PLPP1: variants seen among roughly 807,000 people sequenced by gnomAD.
PLPP1 encodes phospholipid phosphatase 1, also known as lipid phosphate phosphohydrolase 1a.
Under a neutral mutation model 31.2 loss-of-function variants are expected in PLPP1, and 24 were observed. That is an observed-to-expected ratio of 0.77 (90% confidence interval 0.56 to 1.08). The LOEUF (loss-of-function observed/expected upper bound fraction) is 1.08. PLPP1 is among the 50% of genes least tolerant of loss of function. The pLI is 0.00. For missense variants in PLPP1, 319 were observed against 342.7 expected, an observed-to-expected ratio of 0.93 and a Z score of 0.55; for synonymous variants, 146 against 126.3, an observed-to-expected ratio of 1.16 and a Z score of -1.05.
At chr5:55,443,345 C>A (rs562886472) in intron 3 of PLPP1, among the ~76,000 whole-genome samples, 2 of 151,110 alleles carry the variant, frequency 1.3e-5, no homozygotes, top group Middle Eastern at 3.4e-3. Flanking sequence ...TAATTAAACC[C>A]AATAATTATT....
chr5:55,462,915 G>A (rs1752197641), intron 3 of PLPP1, among the ~76,000 whole-genome samples: 1 of 151,946 alleles, frequency 6.6e-6, no homozygotes, highest in Admixed American at 6.6e-5. Flanking sequence ...GAAGCTTGCA[G>A]AGAGCCAAGA....
At chr5:55,460,046 C>A (rs952905978) in intron 3 of PLPP1, among the ~76,000 whole-genome samples, 1 of 152,144 alleles carries the variant, frequency 6.6e-6, no homozygotes, top group African/African-American at 2.4e-5. Flanking sequence ...CATTAATGGA[C>A]TGTTTACGTT....
intron 1 of PLPP1, among the ~76,000 whole-genome samples, chr5:55,506,334 C>T (rs780564384): frequency 6.7e-6 from 1 of 148,204 alleles, no homozygotes. Flanking sequence ...CACTAAGTAA[C>T]TCACCCAAGT....
chr5:55,451,999 A>G (rs1210663155), intron 3 of PLPP1, among the ~76,000 whole-genome samples: 6 of 152,192 alleles, frequency 3.9e-5, no homozygotes, highest in Non-Finnish European at 8.8e-5. Flanking sequence ...AATTTTTACA[A>G]GTATAGGAAA....
intron 1 of PLPP1, among the ~76,000 whole-genome samples, chr5:55,523,330 TCTAC>T (rs763661684): frequency 1.3e-5 from 2 of 152,158 alleles, no homozygotes; most frequent in Non-Finnish European, 2.9e-5. Flanking sequence ...TCTTATTCAT[TCTAC>T]CTATTTTTTG....
intron 1 of PLPP1, among the ~76,000 whole-genome samples, chr5:55,525,166 G>A (rs13188802): frequency 0.66 from 99,794 of 152,126 alleles, 34,064 homozygotes; most frequent in Non-Finnish European, 0.77. Flanking sequence ...AAAACTAGTT[G>A]ATGTTATTTC....
At chr5:55,453,713 G>A (rs1278460912) in intron 3 of PLPP1, among the ~76,000 whole-genome samples, 2 of 152,302 alleles carry the variant, frequency 1.3e-5, no homozygotes, top group East Asian at 1.9e-4. Context: ...GGCCAAGGCT[G>A]GAGGATCACC....
At chr5:55,447,414 T>C (rs968004228) in intron 3 of PLPP1, among the ~76,000 whole-genome samples, 1 of 152,212 alleles carries the variant, frequency 6.6e-6, no homozygotes, top group African/African-American at 2.4e-5. Context: ...ATCCTGAAAT[T>C]GATTCCCAAA....
intron 1 of PLPP1, among the ~76,000 whole-genome samples, chr5:55,496,137 C>G (rs1376010660): frequency 6.6e-6 from 1 of 152,166 alleles, no homozygotes; most frequent in Admixed American, 6.5e-5. Flanking sequence ...GGATTACAGA[C>G]ATGAGCCACC....
chr5:55,513,239 T>G (rs1223203993), intron 1 of PLPP1, among the ~76,000 whole-genome samples: 1 of 151,936 alleles, frequency 6.6e-6, no homozygotes, highest in African/African-American at 2.4e-5. Flanking sequence ...AAGTATGTGT[T>G]TACTATAGTA....
At chr5:55,436,763 T>C (rs1016720710) in intron 4 of PLPP1, among the ~76,000 whole-genome samples, 3 of 152,168 alleles carry the variant, frequency 2.0e-5, no homozygotes, top group East Asian at 3.8e-4. Flanking sequence ...TAAAAGAAAC[T>C]AGAAAATTCA....
At chr5:55,458,881 T>C (rs1752081480) in intron 3 of PLPP1, among the ~76,000 whole-genome samples, 2 of 66,588 alleles carry the variant, frequency 3.0e-5, no homozygotes, top group South Asian at 4.9e-4. Flanking sequence ...GAGGAGACCC[T>C]GTCTCCAAAA....
intron 3 of PLPP1, 135 bp from the exon 4 acceptor site, chr5:55,442,043 C>A: frequency 1.3e-6 from 1 of 781,314 alleles, no homozygotes; most frequent in South Asian, 1.6e-5. Flanking sequence ...AAGGGTACGG[C>A]AGGGGGACAA....
chr5:55,458,916 A>AAAAAC (rs1752087974), intron 3 of PLPP1, among the ~76,000 whole-genome samples: 2 of 146,328 alleles, frequency 1.4e-5, no homozygotes, highest in Non-Finnish European at 3.0e-5. Flanking sequence ...AAAAAAAAAA[A>AAAAAC]CACATAGCAA....
At position 55,532,454 on chromosome 5, in the gene PLPP1, A is replaced by G. The variant is rs548502765; in HGVS notation, c.58+2118T>C. On this transcript the variant is annotated intron_variant, in intron 1 of 5. Transcript: ENST00000307259. ...GCAATGATAGGATAATATTCAATAT[A>G]TTAGAAATATATTTTTTTCTGATCG... 2.6e-5 allele frequency among the ~76,000 whole-genome samples: 4 copies of G among 152,340 alleles called. No homozygotes were observed. In the South Asian group the frequency reaches 6.2e-4, roughly 24 times the overall value.
At chr5:55,497,994 A>G (rs142187392) in intron 1 of PLPP1, among the ~76,000 whole-genome samples, 65 of 150,240 alleles carry the variant, frequency 4.3e-4, no homozygotes, top group African/African-American at 1.4e-3. Context: ...CAATGACAGA[A>G]AGCAGGTCCA....
chr5:55,450,662 G>C (rs994068124), intron 3 of PLPP1, among the ~76,000 whole-genome samples: 2 of 152,146 alleles, frequency 1.3e-5, no homozygotes, highest in Non-Finnish European at 2.9e-5. Context: ...AAGTTTCCTT[G>C]GTTATTAAGG....
chr5:55,532,345 T>A (rs547367114), intron 1 of PLPP1, among the ~76,000 whole-genome samples: 101 of 152,236 alleles, frequency 6.6e-4, no homozygotes, highest in African/African-American at 2.2e-3. Flanking sequence ...TAGAAAAAAA[T>A]TTATGTTGTT....
intron 1 of PLPP1, among the ~76,000 whole-genome samples, chr5:55,490,391 C>T (rs540910088): frequency 6.6e-6 from 1 of 152,152 alleles, no homozygotes; most frequent in Non-Finnish European, 1.5e-5. Flanking sequence ...CTCAGGTGAT[C>T]AGCCCATCTC....
Sources: allele counts gnomAD v4.1 joint callset (sites outside exome capture counted in the v4.1 genomes callset), GRCh38; gene constraint gnomAD v4.1.1; transcripts MANE v1.5; gene names NCBI Gene and HGNC (gene_info 2026-07-23, HGNC 2026-07-21).